The following EVA1A variants were observed in gnomAD, a reference collection of about 807,000 sequenced individuals.
The protein encoded by EVA1A is eva-1 homolog A, regulator of programmed cell death.
Under a neutral mutation model 9.8 loss-of-function variants are expected in EVA1A, and 7 were observed. The observed-to-expected ratio is 0.71, with a 90% CI of 0.41 to 1.34. The LOEUF is 1.34. Among genes scored for constraint, EVA1A ranks in the 40% most tolerant of loss-of-function variants. The pLI is 0.01. For synonymous variants in EVA1A, 90 were observed against 85.6 expected (o/e 1.05, Z -0.28); for missense variants, 206 against 205.9 (o/e 1.00, Z 0.00).
chr2:75,508,991 T>C (rs796866224), intron 3 of EVA1A, among the ~76,000 whole-genome samples: 1 of 152,116 alleles, frequency 6.6e-6, no homozygotes, highest in African/African-American at 2.4e-5. Context: ...ACTTGATTGA[T>C]TGATGAACTG....
In EVA1A at chr2:75,493,140, A is replaced by G; in HGVS notation, c.*96T>C. ...CCTGCTTTTTCTCTGAAATCACAAT[A>G]TTAGCAGAGCTGGGTTCAGTTCCTT... On this transcript the variant is annotated 3_prime_UTR_variant, in exon 4 of 4. Coordinates refer to ENST00000393913, the MANE Select transcript of EVA1A (RefSeq NM_001135032.2). 1.4e-6 allele frequency: 2 copies of G among 1,480,212 alleles called. No homozygotes were observed. The highest frequency in any genetic ancestry group is 1.8e-6 in the Non-Finnish European group (2 of 1,104,316). The allele number at this position is 1,480,212 out of a possible 1,614,324, so 91.7% of individuals were successfully genotyped here. A position where few individuals can be genotyped will look rare whatever the true frequency, so the allele number is the denominator to read the frequency against.
intron 1 of EVA1A, among the ~76,000 whole-genome samples, chr2:75,567,713 A>C (rs1483061390): frequency 6.6e-6 from 1 of 152,236 alleles, no homozygotes; most frequent in Non-Finnish European, 1.5e-5. Flanking sequence ...TGCTAGATCT[A>C]ATCAAACCAA....
chr2:75,564,216 G>C (rs917304166), upstream of EVA1A, among the ~76,000 whole-genome samples: 1 of 152,228 alleles, frequency 6.6e-6, no homozygotes. Flanking sequence ...GGAGAGGTTG[G>C]AACGCACAGG....
intron 1 of EVA1A, among the ~76,000 whole-genome samples, chr2:75,536,055 T>C (rs560135248): frequency 2.2e-4 from 34 of 152,362 alleles, no homozygotes; most frequent in African/African-American, 7.9e-4. Context: ...TTGTTATATA[T>C]GAAGTTAGTT....
intron 1 of EVA1A, among the ~76,000 whole-genome samples, chr2:75,531,942 G>A (rs966000960): frequency 1.8e-4 from 27 of 152,172 alleles, no homozygotes; most frequent in Admixed American, 9.8e-4. Flanking sequence ...GGCAGATCAC[G>A]AGGTCACAAG....
At chr2:75,499,828 GC>G (rs1330987148) in intron 3 of EVA1A, among the ~76,000 whole-genome samples, 3 of 152,142 alleles carry the variant, frequency 2.0e-5, no homozygotes, top group Admixed American at 6.5e-5. Flanking sequence ...GTCTAAAAGG[GC>G]CTGAGTTTCA....
chr2:75,536,162 A>G lies in EVA1A; in HGVS notation c.-191-13675T>C, dbSNP rs184948403. Among the ~76,000 whole-genome samples the G allele has an allele frequency of 2.6e-5, 4 of 152,144 alleles. No homozygotes were observed. In the East Asian group the frequency reaches 7.8e-4, roughly 30 times the overall value. ...AGACCAGCCTGGGCAACATGGCAAA[A>G]CCCCGTCTCTACAAAAAATACAAAA... On this transcript the variant is annotated intron_variant, in intron 1 of 3. Coordinates refer to ENST00000393913, the MANE Select transcript of EVA1A (RefSeq NM_001135032.2).
At chr2:75,502,658 G>C (rs1674471438) in intron 3 of EVA1A, among the ~76,000 whole-genome samples, 1 of 152,196 alleles carries the variant, frequency 6.6e-6, no homozygotes, top group Non-Finnish European at 1.5e-5. Flanking sequence ...ATAGATGATA[G>C]ATACATACAT....
Position 75,527,515 on chromosome 2 carries a change from G to A in EVA1A, c.-191-5028C>T, listed in dbSNP as rs56675639. The stretch of plus-strand genomic sequence containing the variant: ...GCCCCACATCTGTGGAGACCACATG[G>A]GATCCAGAACTCCCATCCCCATCCA... On this transcript the variant is annotated intron_variant, in intron 1 of 3. Transcript: ENST00000393913. Among the ~76,000 whole-genome samples the A allele has an allele frequency of 7.0e-3, 1,059 of 152,226 alleles. 9 individuals carry two copies. Among genetic ancestry groups the A allele is most frequent in the African/African-American group, 0.024 (1,010 of 41,520 alleles).
At chr2:75,541,887 C>T (rs942525379) in intron 1 of EVA1A, 1 of 152,158 alleles carries the variant, frequency 6.6e-6, no homozygotes, top group Non-Finnish European at 1.5e-5. Context: ...AAATTTCTCT[C>T]CTTTCTTCCC....
At chr2:75,507,291 A>G (rs1398625950) in intron 3 of EVA1A, among the ~76,000 whole-genome samples, 1 of 152,168 alleles carries the variant, frequency 6.6e-6, no homozygotes, top group Admixed American at 6.5e-5. Context: ...TAACCAAGAC[A>G]CTAGTCCTGG....
chr2:75,518,336 A>C (rs899033601), intron 2 of EVA1A, 128 bp from the exon 3 acceptor site: 2 of 1,041,972 alleles, frequency 1.9e-6, no homozygotes, highest in Non-Finnish European at 2.7e-6. Flanking sequence ...GGGGCTTTGG[A>C]AACTACAGAC....
At chr2:75,559,179 G>C (rs570573803) in intron 1 of EVA1A, among the ~76,000 whole-genome samples, 191 of 152,276 alleles carry the variant, frequency 1.3e-3, no homozygotes, top group African/African-American at 4.5e-3. Context: ...GGGGGAGGGG[G>C]GAGATGTCTT....
intron 3 of EVA1A, among the ~76,000 whole-genome samples, chr2:75,514,637 AT>A (rs1015482131): frequency 6.6e-6 from 1 of 152,162 alleles, no homozygotes; most frequent in Admixed American, 6.5e-5. Flanking sequence ...TATAAATGGG[AT>A]TATAATATAT....
intron 1 of EVA1A, among the ~76,000 whole-genome samples, chr2:75,548,437 C>G (rs1213824412): frequency 6.6e-6 from 1 of 152,122 alleles, no homozygotes; most frequent in African/African-American, 2.4e-5. Flanking sequence ...GCCTGGCCTC[C>G]TTGCTCATTT....
At chr2:75,516,610 A>G (rs1036500668) in intron 3 of EVA1A, among the ~76,000 whole-genome samples, 2 of 152,200 alleles carry the variant, frequency 1.3e-5, no homozygotes, top group African/African-American at 4.8e-5. Flanking sequence ...TGTTGACTGA[A>G]ATGGAAAATT....
chr2:75,562,062 T>G (rs148329608), upstream of EVA1A, among the ~76,000 whole-genome samples: 27 of 152,210 alleles, frequency 1.8e-4, 1 homozygote, highest in Non-Finnish European at 1.5e-5. Flanking sequence ...TTTATGGAAA[T>G]GAAAACCCTC....
intron 1 of EVA1A, among the ~76,000 whole-genome samples, chr2:75,546,609 G>A (rs530109212): frequency 5.3e-5 from 8 of 152,264 alleles, no homozygotes; most frequent in African/African-American, 1.9e-4. Flanking sequence ...ACTGAATTGA[G>A]ATCCACTCAG....
Position 75,493,497 on chromosome 2 carries a change from A to C in EVA1A, c.198T>G (p.Arg66=). The C allele has an allele frequency of 6.2e-7, 1 of 1,614,100 alleles. No homozygotes were observed. The highest frequency in any genetic ancestry group is 8.5e-7 in the Non-Finnish European group (1 of 1,180,018). Residue 66 remains arginine (R), a synonymous_variant, in exon 4 of 4, where the codon CGT becomes CGG. Transcript: ENST00000393913. ...TGTCCTGCAGGAACTTCTTCCCGGGACGCCGCCTGCAGTCTGTGTGGCAAG... is the reference window on the plus strand; with the variant it reads ...TGTCCTGCAGGAACTTCTTCCCGGGCCGCCGCCTGCAGTCTGTGTGGCAAG... ...RISCHTDCRR[R]PGKKFLQDRE... is the part of the protein sequence containing the mutation.
Sources: allele counts gnomAD v4.1 joint callset (sites outside exome capture counted in the v4.1 genomes callset), GRCh38; gene constraint gnomAD v4.1.1; transcripts MANE v1.5; gene names NCBI Gene and HGNC (gene_info 2026-07-23, HGNC 2026-07-21).